RBFOX1: variants seen among roughly 807,000 people sequenced by gnomAD.
The protein encoded by RBFOX1 is RNA binding protein fox-1 homolog 1.
Under a neutral mutation model 57.7 loss-of-function variants are expected in RBFOX1, and 8 were observed. The observed-to-expected ratio is 0.14, with a 90% CI of 0.08 to 0.25. The LOEUF is 0.25. Ranked by LOEUF, RBFOX1 falls within the 10% of genes least tolerant of loss-of-function variation. The pLI, the probability that RBFOX1 is intolerant of heterozygous loss-of-function variation, is 1.00. For synonymous variants in RBFOX1, 326 were observed against 222.4 expected (o/e 1.47, Z -4.15); for missense variants, 611 against 548.5 (o/e 1.11, Z -1.14).
At chr16:5,676,518 C>T (rs1208251921) in intron 3 of RBFOX1, among the ~76,000 whole-genome samples, 2 of 152,156 alleles carry the variant, frequency 1.3e-5, no homozygotes, top group Non-Finnish European at 2.9e-5. Context: ...GTGCAAAATG[C>T]AGATAGCAAT....
intron 2 of RBFOX1, among the ~76,000 whole-genome samples, chr16:6,653,020 C>G (rs923065246): frequency 6.6e-6 from 1 of 152,118 alleles, no homozygotes; most frequent in Non-Finnish European, 1.5e-5. Context: ...TCTTACTTCC[C>G]TCTAACCACA....
chr16:7,130,699 A>G (rs1045208028), intron 4 of RBFOX1, among the ~76,000 whole-genome samples: 1 of 152,240 alleles, frequency 6.6e-6, no homozygotes, highest in Admixed American at 6.5e-5. Context: ...TCTTAAAAGC[A>G]TAAATAATAG....
intron 2 of RBFOX1, among the ~76,000 whole-genome samples, chr16:5,591,016 A>ATTT (rs79854783): frequency 7.1e-6 from 1 of 141,058 alleles, no homozygotes; most frequent in East Asian, 2.0e-4. Context: ...TGAGCTAAAC[A>ATTT]TTTTTTTTTT....
intron 11 of RBFOX1, among the ~76,000 whole-genome samples, chr16:7,650,562 C>A (rs999374160): frequency 6.7e-6 from 1 of 149,218 alleles, no homozygotes; most frequent in East Asian, 2.0e-4. Context: ...ACAGCACGTG[C>A]TCCCCTCTCT....
intron 4 of RBFOX1, among the ~76,000 whole-genome samples, chr16:7,464,864 T>G (rs866962892): frequency 2.2e-4 from 33 of 151,654 alleles, no homozygotes; most frequent in Middle Eastern, 3.4e-3. Context: ...GCCTGGCTAA[T>G]TTTTTTGTAT....
chr16:5,323,637 G>A (rs1458752643), intron 1 of RBFOX1, among the ~76,000 whole-genome samples: 1 of 152,236 alleles, frequency 6.6e-6, no homozygotes, highest in Non-Finnish European at 1.5e-5. Flanking sequence ...GGATGTGCTG[G>A]AAGCTCTGAA....
intron 3 of RBFOX1, among the ~76,000 whole-genome samples, chr16:6,802,498 A>G (rs1206192382): frequency 6.6e-6 from 1 of 152,108 alleles, no homozygotes; most frequent in Non-Finnish European, 1.5e-5. Context: ...CCAATTTGGC[A>G]AAACCCTGTC....
At chr16:6,781,794 T>G (rs2081064877) in intron 3 of RBFOX1, among the ~76,000 whole-genome samples, 1 of 152,164 alleles carries the variant, frequency 6.6e-6, no homozygotes, top group South Asian at 2.1e-4. Context: ...TTTCATATAT[T>G]TGGACATTCT....
intron 1 of RBFOX1, among the ~76,000 whole-genome samples, chr16:6,227,448 A>C (rs2097426387): frequency 6.6e-6 from 1 of 152,212 alleles, no homozygotes; most frequent in Admixed American, 6.5e-5. Context: ...AAAAACAAAC[A>C]ACAGTAGCAA....
chr16:7,322,831 C>G (rs2055470387), intron 4 of RBFOX1, among the ~76,000 whole-genome samples: 1 of 152,140 alleles, frequency 6.6e-6, no homozygotes, highest in South Asian at 2.1e-4. Flanking sequence ...CTGTCCTCCT[C>G]CTGCGTTCCT....
At chr16:7,118,230 A>T (rs748703645) in intron 4 of RBFOX1, among the ~76,000 whole-genome samples, 1 of 152,154 alleles carries the variant, frequency 6.6e-6, no homozygotes, top group Non-Finnish European at 1.5e-5. Context: ...TCCCCATTTC[A>T]CCACATCCAT....
chr16:6,706,321 G>A (rs2062737069), intron 3 of RBFOX1, among the ~76,000 whole-genome samples: 1 of 152,156 alleles, frequency 6.6e-6, no homozygotes, highest in African/African-American at 2.4e-5. Flanking sequence ...GGAGAAAATG[G>A]AGTCATTGCA....
At chr16:5,839,085 A>G (rs2056547696) in intron 3 of RBFOX1, among the ~76,000 whole-genome samples, 1 of 152,212 alleles carries the variant, frequency 6.6e-6, no homozygotes, top group East Asian at 1.9e-4. Context: ...GAACACCTAC[A>G]GCAAAGAATT....
intron 2 of RBFOX1, among the ~76,000 whole-genome samples, chr16:6,334,901 C>G (rs1018147500): frequency 2.0e-5 from 3 of 152,150 alleles, no homozygotes; most frequent in Non-Finnish European, 2.9e-5. Flanking sequence ...CTTCTGGAGA[C>G]TGGATCTACT....
Position 6,542,483 on chromosome 16 carries a change from C to CTTTTTTTTTTTTTTTTTTTTTTT in RBFOX1, c.-63-112118_-63-112096dup, listed in dbSNP as rs71145245. On this transcript the variant is annotated intron_variant, in intron 2 of 15. Coordinates refer to ENST00000550418, the MANE Select transcript of RBFOX1 (RefSeq NM_018723.4). ...CCACTGCCCTGTGTGGGACCATAGT[C>CTTTTTTTTTTTTTTTTTTTTTTT]TTTTTTTTTTTTTTTTTTTTTTTTG... Among the ~76,000 whole-genome samples the CTTTTTTTTTTTTTTTTTTTTTTT allele has an allele frequency of 3.6e-5, 2 of 55,720 alleles. 1 individual carries two copies. Among genetic ancestry groups the CTTTTTTTTTTTTTTTTTTTTTTT allele is most frequent in the African/African-American group, 1.5e-4 (2 of 13,224 alleles). 36.6% of individuals were successfully genotyped at this position (55,720 alleles called of 152,430 possible).
chr16:5,520,589 A>C (rs187684531), intron 2 of RBFOX1, among the ~76,000 whole-genome samples: 66 of 152,278 alleles, frequency 4.3e-4, no homozygotes, highest in African/African-American at 1.5e-3. Context: ...AGCTACAGAA[A>C]CCATCTTGTC....
chr16:7,426,623 G>GA (rs531654995), intron 4 of RBFOX1, among the ~76,000 whole-genome samples: 249 of 152,338 alleles, frequency 1.6e-3, no homozygotes, highest in African/African-American at 5.4e-3. Flanking sequence ...GGCGCACGCT[G>GA]TGCTGCGTGG....
At chr16:6,084,275 G>T (rs1328836335) in intron 1 of RBFOX1, among the ~76,000 whole-genome samples, 4 of 151,870 alleles carry the variant, frequency 2.6e-5, no homozygotes, top group African/African-American at 4.8e-5. Flanking sequence ...ACAGTGTCTT[G>T]CTCTGTCGCC....
intron 4 of RBFOX1, among the ~76,000 whole-genome samples, chr16:7,389,261 C>T (rs2148364358): frequency 6.6e-6 from 1 of 152,114 alleles, no homozygotes; most frequent in South Asian, 2.1e-4. Flanking sequence ...GAATAGCTGG[C>T]AGCACAGGTG....
Sources: gnomAD v4.1 joint callset for allele counts (sites outside exome capture counted in the v4.1 genomes callset) on GRCh38, gnomAD v4.1.1 for gene constraint, MANE v1.5 for transcripts, NCBI Gene and HGNC (gene_info 2026-07-23, HGNC 2026-07-21) for gene names.